Variants in DTD1 observed in about 807,000 individuals in gnomAD.
DTD1 encodes the protein D-tyrosyl-tRNA deacylase 1 homolog.
A neutral mutation model predicts 25.6 loss-of-function variants in DTD1; 13 were observed. The ratio of observed to expected loss-of-function variants is 0.51; its 90% CI spans 0.33 to 0.81. DTD1 has a LOEUF of 0.81. DTD1 is among the 30% of genes least tolerant of loss of function. DTD1 has a pLI of 0.02. For synonymous variants in DTD1, 110 were observed against 103.6 expected (o/e 1.06, Z -0.37); for missense variants, 193 against 266.4 (o/e 0.72, Z 1.92).
chr20:18,671,100 T>G (rs2060950058), intron 4 of DTD1, among the ~76,000 whole-genome samples: 1 of 152,208 alleles, frequency 6.6e-6, no homozygotes, highest in South Asian at 2.1e-4. Context: ...AGTCTGTGGC[T>G]CTGTTGCTTA....
At chr20:18,634,482 T>C (rs1308716262) in intron 4 of DTD1, among the ~76,000 whole-genome samples, 1 of 152,230 alleles carries the variant, frequency 6.6e-6, no homozygotes, top group Non-Finnish European at 1.5e-5. Flanking sequence ...AGTATACATG[T>C]TTGAGTTAAC....
rs2061376079 is a variant in DTD1, at chr20:18,765,367, G to A, written c.*2027G>A. 1 of 152,252 alleles carries A rather than the reference G, an allele frequency of 6.6e-6. No homozygotes were observed. The highest frequency in any genetic ancestry group is 1.5e-5 in the Non-Finnish European group (1 of 68,052). 9.4% of individuals were successfully genotyped at this position (152,252 alleles called of 1,614,324 possible). On this transcript the variant is annotated 3_prime_UTR_variant, in exon 6 of 6. Coordinates refer to ENST00000377452, the MANE Select transcript of DTD1 (RefSeq NM_080820.6). ...GTTGGGAGCTTTTGGTGTTTGAGCA[G>A]AAATTCTGAGCCTATATGTGTGAGG... is the stretch of plus-strand genomic sequence containing the variant.
intron 3 of DTD1, among the ~76,000 whole-genome samples, chr20:18,606,179 G>A (rs1163126611): frequency 6.7e-6 from 1 of 150,036 alleles, no homozygotes; most frequent in African/African-American, 2.5e-5. Context: ...ATGAAAAAAT[G>A]CTCATCATCA....
At chr20:18,674,811 C>T (rs2060963730) in intron 4 of DTD1, 2 of 152,480 alleles carry the variant, frequency 1.3e-5, no homozygotes, top group Admixed American at 1.3e-4. Flanking sequence ...ACCTTTCAGC[C>T]TTTGCCTGCA....
At chr20:18,748,675 G>GT (rs1568689228) in intron 5 of DTD1, among the ~76,000 whole-genome samples, 1 of 152,248 alleles carries the variant, frequency 6.6e-6, no homozygotes, top group African/African-American at 2.4e-5. Context: ...CAGGAGGAGG[G>GT]TGTGAACATT....
At chr20:18,690,482 A>T (rs1484578902) in intron 4 of DTD1, among the ~76,000 whole-genome samples, 3 of 152,214 alleles carry the variant, frequency 2.0e-5, no homozygotes, top group South Asian at 4.1e-4. Flanking sequence ...TCGAGGTCTT[A>T]CATTTAAATC....
At chr20:18,645,718 T>C (rs565272015) in intron 4 of DTD1, among the ~76,000 whole-genome samples, 8 of 152,174 alleles carry the variant, frequency 5.3e-5, no homozygotes, top group Non-Finnish European at 7.4e-5. Flanking sequence ...ACCTGGGTTA[T>C]GGGTAAGGAT....
chr20:18,744,181 A>C lies in DTD1; in HGVS notation c.559A>C (p.Thr187Pro), dbSNP rs774807978. Residue 187 changes from threonine to proline, a missense_variant, in exon 5 of 6, where the codon ACT becomes CCT. Transcript: ENST00000377452. ...GPSESSKERN[T>P]PRKEDRSASS... Reference sequence around the variant, plus strand: ...TTCTGAATCAAGCAAGGAAAGAAACACTCCCCGAAAAGAAGACCGCAGTGC... The same window carrying C: ...TTCTGAATCAAGCAAGGAAAGAAACCCTCCCCGAAAAGAAGACCGCAGTGC... The C allele has an allele frequency of 6.2e-7, 1 of 1,612,268 alleles. No individual in the cohort carries two copies. The highest frequency in any genetic ancestry group is 8.5e-7 in the Non-Finnish European group (1 of 1,180,018).
intron 4 of DTD1, among the ~76,000 whole-genome samples, chr20:18,734,750 T>G (rs1019707535): frequency 6.6e-6 from 1 of 152,236 alleles, no homozygotes; most frequent in East Asian, 1.9e-4. Context: ...CAGCATGGTT[T>G]AAGTGACTTG....
intron 4 of DTD1, among the ~76,000 whole-genome samples, chr20:18,725,277 A>G (rs559345467): frequency 8.1e-4 from 123 of 152,328 alleles, no homozygotes; most frequent in South Asian, 1.9e-3. Context: ...TTGCCATGGC[A>G]GTAGTAACTG....
chr20:18,753,939 G>A (rs868469262), intron 5 of DTD1, among the ~76,000 whole-genome samples: 4 of 152,172 alleles, frequency 2.6e-5, no homozygotes, highest in African/African-American at 7.2e-5. Flanking sequence ...GAAGGTCAGA[G>A]TGAAGCCTGC....
chr20:18,700,436 TA>T (rs2061099509), intron 4 of DTD1, among the ~76,000 whole-genome samples: 1 of 151,734 alleles, frequency 6.6e-6, no homozygotes, highest in Non-Finnish European at 1.5e-5. Context: ...TATTAAAAAA[TA>T]AAATTCTCCT....
intron 3 of DTD1, among the ~76,000 whole-genome samples, chr20:18,622,049 G>C (rs940135466): frequency 6.3e-5 from 9 of 143,738 alleles, no homozygotes; most frequent in African/African-American, 2.0e-4. Flanking sequence ...GTGTGACAGA[G>C]CGAGACTCTG....
chr20:18,751,350 C>T (rs567427690), intron 5 of DTD1, among the ~76,000 whole-genome samples: 1 of 152,154 alleles, frequency 6.6e-6, no homozygotes, highest in Non-Finnish European at 1.5e-5. Flanking sequence ...AGTCTAAGTC[C>T]ACCTTGAATG....
chr20:18,705,905 T>G lies in DTD1; in HGVS notation c.478-38195T>G, dbSNP rs73899870. On this transcript the variant is annotated intron_variant, in intron 4 of 5. Coordinates refer to ENST00000377452, the MANE Select transcript of DTD1 (RefSeq NM_080820.6). ...GAATGCAAAGCCATTTGAACCCTTC[T>G]TATGTGGTCCATTTTCTCTTTGGCT... Among the ~76,000 whole-genome samples, 849 of 152,350 alleles carry G rather than the reference T, an allele frequency of 5.6e-3. 6 individuals are homozygous for G. Among genetic ancestry groups the G allele is most frequent in the African/African-American group, 0.019 (809 of 41,582 alleles).
intron 5 of DTD1, among the ~76,000 whole-genome samples, chr20:18,754,979 CA>C (rs1442781469): frequency 6.6e-6 from 1 of 152,174 alleles, no homozygotes; most frequent in Non-Finnish European, 1.5e-5. Context: ...ATTCTAAAGG[CA>C]TACCTAATGG....
intron 4 of DTD1, among the ~76,000 whole-genome samples, chr20:18,707,376 C>T (rs1000193371): frequency 4.6e-5 from 7 of 152,168 alleles, no homozygotes; most frequent in African/African-American, 1.7e-4. Context: ...GGACGGACTG[C>T]AGTAGACAAG....
At chr20:18,644,046 C>G (rs2060840900) in intron 4 of DTD1, among the ~76,000 whole-genome samples, 1 of 152,128 alleles carries the variant, frequency 6.6e-6, no homozygotes, top group African/African-American at 2.4e-5. Flanking sequence ...GAATATACTG[C>G]ATTTTGTGTA....
At chr20:18,705,519 G>A (rs767327122) in intron 4 of DTD1, among the ~76,000 whole-genome samples, 27 of 152,140 alleles carry the variant, frequency 1.8e-4, no homozygotes, top group South Asian at 4.1e-4. Flanking sequence ...GGAAGCTACC[G>A]CCAGGTTCAG....
Sources: allele counts gnomAD v4.1 joint callset (sites outside exome capture counted in the v4.1 genomes callset), GRCh38; gene constraint gnomAD v4.1.1; transcripts MANE v1.5; gene names NCBI Gene and HGNC (gene_info 2026-07-23, HGNC 2026-07-21).